Variants in FTCDNL1 observed in about 807,000 individuals in gnomAD.
The protein encoded by FTCDNL1 is formiminotransferase N-terminal subdomain-containing protein.
FTCDNL1 carries 11 observed loss-of-function variants against 5.9 expected under a neutral mutation model. The observed-to-expected ratio is 1.87, with a 90% CI of 1.18 to 3.10. FTCDNL1 has a LOEUF of 3.10. Among genes scored for constraint, FTCDNL1 ranks in the 30% most tolerant of loss-of-function variants. The pLI is 0.00. For missense variants in FTCDNL1, 115 were observed against 65.5 expected, an observed-to-expected ratio of 1.76 and a Z score of -2.61; for synonymous variants, 58 against 24.8, an observed-to-expected ratio of 2.34 and a Z score of -3.99.
chr2:199,758,890 A>G (rs904761865), downstream of FTCDNL1, among the ~76,000 whole-genome samples: 2 of 152,198 alleles, frequency 1.3e-5, no homozygotes, highest in African/African-American at 4.8e-5. Context: ...GGGAAAATGA[A>G]AACAAGCTAA....
At chr2:199,793,096 T>G (rs1274767379) in intron 3 of FTCDNL1, among the ~76,000 whole-genome samples, 4 of 152,150 alleles carry the variant, frequency 2.6e-5, no homozygotes, top group Admixed American at 2.0e-4. Context: ...CCAAGTTCCT[T>G]CCTCCTACTA....
At chr2:199,794,682 A>G (rs553500841) in intron 3 of FTCDNL1, among the ~76,000 whole-genome samples, 1 of 152,310 alleles carries the variant, frequency 6.6e-6, no homozygotes, top group Non-Finnish European at 1.5e-5. Flanking sequence ...GTTTGAGACC[A>G]GCCTGAGCAA....
the FTCDNL1 span, among the ~76,000 whole-genome samples, chr2:199,681,648 G>A: frequency 6.6e-5 from 10 of 152,152 alleles, no homozygotes; most frequent in East Asian, 5.8e-4. Flanking sequence ...TTCTCCCGTC[G>A]GAGAAACAAA....
chr2:199,694,634 T>C, the FTCDNL1 span, among the ~76,000 whole-genome samples: 2 of 152,132 alleles, frequency 1.3e-5, no homozygotes, highest in Non-Finnish European at 2.9e-5. Flanking sequence ...GAGATCAGCC[T>C]GGGCAACATA....
the FTCDNL1 span, among the ~76,000 whole-genome samples, chr2:199,679,289 T>C: frequency 6.6e-6 from 1 of 152,176 alleles, no homozygotes; most frequent in Non-Finnish European, 1.5e-5. Context: ...TGTTATGTCA[T>C]CTTTATAATA....
At chr2:199,790,157 T>C (rs192742324) in intron 3 of FTCDNL1, among the ~76,000 whole-genome samples, 371 of 152,192 alleles carry the variant, frequency 2.4e-3, no homozygotes, top group African/African-American at 8.2e-3. Context: ...AAAATTTCTG[T>C]ATAGCATAAG....
chr2:199,753,570 G>C, the FTCDNL1 span, among the ~76,000 whole-genome samples: 6 of 152,238 alleles, frequency 3.9e-5, no homozygotes, highest in African/African-American at 1.4e-4. Context: ...CACATGGGGA[G>C]CCCAATGTGA....
At chr2:199,715,382 T>C in the FTCDNL1 span, among the ~76,000 whole-genome samples, 4 of 152,114 alleles carry the variant, frequency 2.6e-5, no homozygotes, top group African/African-American at 7.2e-5. Context: ...GGTGGGTTTT[T>C]CCCGTGCTGT....
At chr2:199,786,837 T>C (rs1699675409) in intron 3 of FTCDNL1, among the ~76,000 whole-genome samples, 3 of 152,210 alleles carry the variant, frequency 2.0e-5, no homozygotes, top group Non-Finnish European at 4.4e-5. Flanking sequence ...AAATTTGTTA[T>C]CTTACAGTTC....
At chr2:199,713,019 A>G in the FTCDNL1 span, among the ~76,000 whole-genome samples, 2 of 152,190 alleles carry the variant, frequency 1.3e-5, no homozygotes, top group Admixed American at 1.3e-4. Context: ...TAGATTCAAA[A>G]TAATAGAAAA....
intron 3 of FTCDNL1, among the ~76,000 whole-genome samples, chr2:199,842,912 C>T (rs1353351932): frequency 6.6e-5 from 9 of 136,860 alleles, no homozygotes; most frequent in Non-Finnish European, 1.2e-4. Flanking sequence ...ACTTCTGCCT[C>T]ATAAGAATGC....
chr2:199,665,409 A>AT, the FTCDNL1 span, among the ~76,000 whole-genome samples: 3 of 152,154 alleles, frequency 2.0e-5, no homozygotes, highest in African/African-American at 7.2e-5. Flanking sequence ...AGGCAGGCAG[A>AT]TTACCTGAGG....
chr2:199,673,381 C>A, the FTCDNL1 span, among the ~76,000 whole-genome samples: 1 of 149,852 alleles, frequency 6.7e-6, no homozygotes, highest in African/African-American at 2.5e-5. Context: ...AAAGTAGTTT[C>A]CATTGACATT....
the FTCDNL1 span, among the ~76,000 whole-genome samples, chr2:199,673,191 G>GGTGGCAT: frequency 0.033 from 4,946 of 151,896 alleles, 381 homozygotes; most frequent in East Asian, 0.26. Flanking sequence ...ATCTGGGTGT[G>GGTGGCAT]GTGGCATGTG....
intron 3 of FTCDNL1, among the ~76,000 whole-genome samples, chr2:199,839,291 A>G (rs2106631802): frequency 6.6e-6 from 1 of 152,360 alleles, no homozygotes; most frequent in East Asian, 1.9e-4. Context: ...TTCTCTTGAA[A>G]AGTAAAATAA....
At chr2:199,779,737 G>A (rs1367386272) in intron 3 of FTCDNL1, among the ~76,000 whole-genome samples, 1 of 152,204 alleles carries the variant, frequency 6.6e-6, no homozygotes, top group Non-Finnish European at 1.5e-5. Flanking sequence ...GGTAGGGGCA[G>A]GGAACTGTGG....
At chr2:199,719,789 C>T in the FTCDNL1 span, among the ~76,000 whole-genome samples, 2 of 151,950 alleles carry the variant, frequency 1.3e-5, no homozygotes, top group South Asian at 4.2e-4. Flanking sequence ...TATGCACCAC[C>T]ACACCTGGCT....
chr2:199,825,673 T>C (rs1004482928), intron 3 of FTCDNL1, among the ~76,000 whole-genome samples: 1 of 152,198 alleles, frequency 6.6e-6, no homozygotes, highest in African/African-American at 2.4e-5. Flanking sequence ...GCGACACACC[T>C]GTTCCCCCTT....
the FTCDNL1 span, among the ~76,000 whole-genome samples, chr2:199,741,511 T>C: frequency 2.0e-5 from 3 of 152,236 alleles, no homozygotes; most frequent in Non-Finnish European, 4.4e-5. Flanking sequence ...GTGACATATT[T>C]ATATTACTCA....
Sources: allele counts gnomAD v4.1 joint callset (sites outside exome capture counted in the v4.1 genomes callset), GRCh38; gene constraint gnomAD v4.1.1; transcripts MANE v1.5; gene names NCBI Gene and HGNC (gene_info 2026-07-23, HGNC 2026-07-21).